The following UBR1 variants were observed in gnomAD, a reference collection of about 807,000 sequenced individuals.
UBR1 encodes the protein E3 ubiquitin-protein ligase UBR1.
A neutral mutation model predicts 242.1 loss-of-function variants in UBR1; 102 were observed. That is an observed-to-expected ratio of 0.42 (90% CI 0.36 to 0.50). The LOEUF (loss-of-function observed/expected upper bound fraction) is 0.50. Ranked by LOEUF, UBR1 falls within the 20% of genes least tolerant of loss-of-function variation. The pLI is 0.01. For missense variants in UBR1, 1,772 were observed against 2,101.8 expected, an observed-to-expected ratio of 0.84 and a Z score of 3.07; for synonymous variants, 675 against 684.8, an observed-to-expected ratio of 0.99 and a Z score of 0.22.
chr15:43,041,431 C>G lies in UBR1; in HGVS notation c.1849+1784G>C, dbSNP rs561776925. On this transcript the variant is annotated intron_variant, in intron 15 of 46. Transcript: ENST00000290650. ...ACACAAGAAGGGGAACATCACACAC[C>G]GGGGCCTGTCGTGGGGTTGGGGGAG... Among the ~76,000 whole-genome samples, 9 of 151,944 alleles carry G rather than the reference C, an allele frequency of 5.9e-5. No individual in the cohort carries two copies. In the South Asian group the frequency reaches 8.4e-4, roughly 14 times the overall value.
At chr15:42,969,847 C>A (rs1596079697) in intron 40 of UBR1, among the ~76,000 whole-genome samples, 1 of 152,102 alleles carries the variant, frequency 6.6e-6, no homozygotes, top group South Asian at 2.1e-4. Flanking sequence ...TAAGAGAGTA[C>A]ACAAACAAAT....
At chr15:43,081,316 C>G (rs1407335058) in intron 3 of UBR1, among the ~76,000 whole-genome samples, 1 of 147,920 alleles carries the variant, frequency 6.8e-6, no homozygotes, top group Non-Finnish European at 1.5e-5. Flanking sequence ...ACTCAGGAGG[C>G]TGAGGCAGGA....
In UBR1 at chr15:43,106,014, G is replaced by C. The variant is rs1370737871; in HGVS notation, c.9C>G (p.Asp3Glu). 4 of 1,612,292 alleles carry C rather than the reference G, an allele frequency of 2.5e-6. No homozygotes were observed. Among genetic ancestry groups the C allele is most frequent in the Admixed American group, 1.7e-5 (1 of 59,754 alleles). MA[D>E]EEAGGTERME... is the part of the protein sequence containing the mutation. ...TCCTCTCAGTACCTCCAGCCTCCTC[G>C]TCCGCCATCTTGAGGGAAACTGACG... is the stretch of plus-strand genomic sequence containing the variant. Residue 3 changes from aspartate (D) to glutamate (E), a missense_variant, in exon 1 of 47, where the codon GAC becomes GAG. This residue lies in a region of UBR1 where 734 missense variants were observed against 893.3 expected (regional missense o/e 0.82). Coordinates refer to ENST00000290650, the MANE Select transcript of UBR1 (RefSeq NM_174916.3).
At chr15:42,997,134 T>C (rs1046072187) in intron 33 of UBR1, among the ~76,000 whole-genome samples, 5 of 152,196 alleles carry the variant, frequency 3.3e-5, no homozygotes, top group African/African-American at 1.2e-4. Context: ...CTCCGCCTCC[T>C]GCCAGATCAG....
At chr15:43,043,674 G>A (rs2033448740) in intron 14 of UBR1, among the ~76,000 whole-genome samples, 1 of 151,986 alleles carries the variant, frequency 6.6e-6, no homozygotes, top group Non-Finnish European at 1.5e-5. Flanking sequence ...TTTGAACTCC[G>A]GGGCTCAAGT....
chr15:43,095,930 A>G (rs536241929), intron 1 of UBR1, among the ~76,000 whole-genome samples: 2 of 152,238 alleles, frequency 1.3e-5, no homozygotes, highest in Non-Finnish European at 2.9e-5. Context: ...GAGTCACACA[A>G]ATTTTTTTGG....
At position 42,945,231 on chromosome 15, in the gene UBR1, C is replaced by T. The variant is rs2031711867; in HGVS notation, c.*98G>A. 1.3e-6 allele frequency: 2 copies of T among 1,536,710 alleles called. No individual in the cohort carries two copies. The highest frequency in any genetic ancestry group is 8.9e-7 in the Non-Finnish European group (1 of 1,117,470). On this transcript the variant is annotated 3_prime_UTR_variant, in exon 47 of 47. Transcript: ENST00000290650. The stretch of plus-strand genomic sequence containing the variant: ...TGAACCTGGACATGGAGCAAAAGAC[C>T]CTCCAATACTTTCCCAGCCCTCAGA...
intron 39 of UBR1, among the ~76,000 whole-genome samples, chr15:42,972,161 T>C (rs945576696): frequency 6.6e-6 from 1 of 152,202 alleles, no homozygotes; most frequent in East Asian, 1.9e-4. Context: ...AAAAATCCTC[T>C]ATGCTGTGCC....
At chr15:43,046,124 G>C (rs1013391071) in intron 14 of UBR1, among the ~76,000 whole-genome samples, 44 of 152,308 alleles carry the variant, frequency 2.9e-4, no homozygotes, top group African/African-American at 1.0e-3. Flanking sequence ...CAGAAGGTTT[G>C]GAAGAAGTCA....
At chr15:42,985,511 C>A (rs1188811468) in intron 35 of UBR1, among the ~76,000 whole-genome samples, 1 of 152,000 alleles carries the variant, frequency 6.6e-6, no homozygotes, top group African/African-American at 2.4e-5. Context: ...CACCACTACG[C>A]CAGCTAAATT....
chr15:43,060,264 C>A (rs2033667457), intron 6 of UBR1, 150 bp from the exon 7 acceptor site: 1 of 792,680 alleles, frequency 1.3e-6, no homozygotes, highest in East Asian at 2.5e-5. Context: ...ATCTGAAAGA[C>A]AGATGCAAAT....
At chr15:43,021,483 C>T in intron 26 of UBR1, 108 bp from the exon 27 acceptor site, 1 of 922,010 alleles carries the variant, frequency 1.1e-6, no homozygotes, top group South Asian at 1.3e-5. Flanking sequence ...CACTAATGCT[C>T]AATTCCCTTA....
chr15:43,037,000 T>C (rs1265047455), intron 17 of UBR1, among the ~76,000 whole-genome samples: 1 of 151,736 alleles, frequency 6.6e-6, no homozygotes, highest in Admixed American at 6.6e-5. Context: ...GGTAAACGCA[T>C]AATACCATTT....
At chr15:43,039,122 T>C (rs1358581382) in intron 15 of UBR1, among the ~76,000 whole-genome samples, 1 of 151,990 alleles carries the variant, frequency 6.6e-6, no homozygotes, top group Non-Finnish European at 1.5e-5. Context: ...AAAGGCATTT[T>C]TAATAAAAAT....
At chr15:42,951,465 A>G (rs1596072524) in intron 45 of UBR1, among the ~76,000 whole-genome samples, 1 of 151,938 alleles carries the variant, frequency 6.6e-6, no homozygotes, top group South Asian at 2.1e-4. Context: ...CTTGTGATCT[A>G]CCTGCCTCGG....
At position 43,039,308 on chromosome 15, in the gene UBR1, G is replaced by T. The variant is rs926254939; in HGVS notation, c.1850-1076C>A. Among the ~76,000 whole-genome samples, 3 of 152,202 alleles carry T rather than the reference G, an allele frequency of 2.0e-5. No homozygotes were observed. The South Asian group carries it at 6.2e-4, about 31-fold the overall frequency. The stretch of plus-strand genomic sequence containing the variant: ...TTTAGATTTGACTCTTCCTATCCAT[G>T]AGCATGGAATGTTCTTCCATTTGTT... On this transcript the variant is annotated intron_variant, in intron 15 of 46. Transcript: ENST00000290650.
chr15:43,043,492 A>T, intron 14 of UBR1, 97 bp from the exon 15 acceptor site: 1 of 1,144,466 alleles, frequency 8.7e-7, no homozygotes, highest in African/African-American at 1.5e-5. Flanking sequence ...CCTAGGCTGG[A>T]GTACAGTGGC....
At chr15:43,015,129 C>G (rs938650899) in intron 29 of UBR1, among the ~76,000 whole-genome samples, 9 of 152,220 alleles carry the variant, frequency 5.9e-5, no homozygotes, top group African/African-American at 2.2e-4. Context: ...GCCACCACCC[C>G]GTCTGGGAGG....
At chr15:43,044,599 A>G (rs1370371654) in intron 14 of UBR1, among the ~76,000 whole-genome samples, 1 of 152,202 alleles carries the variant, frequency 6.6e-6, no homozygotes, top group Non-Finnish European at 1.5e-5. Context: ...AGGGTTTTAG[A>G]AATTCAGTAG....
Sources: gnomAD v4.1 joint callset for allele counts (sites outside exome capture counted in the v4.1 genomes callset) on GRCh38, gnomAD v4.1.1 for gene constraint, gnomAD v4.1.1 regional missense constraint, MANE v1.5 for transcripts, NCBI Gene and HGNC (gene_info 2026-07-23, HGNC 2026-07-21) for gene names.